The following GRID2 variants were observed in gnomAD, a reference collection of about 807,000 sequenced individuals.
The protein encoded by GRID2 is glutamate ionotropic receptor delta type subunit 2.
In GRID2, 33 loss-of-function variants were observed where a neutral mutation model predicts 114.8. The ratio of observed to expected loss-of-function variants is 0.29; its 90% CI spans 0.22 to 0.38. The LOEUF (loss-of-function observed/expected upper bound fraction) is 0.38, where lower values mean the gene tolerates loss of function less well. GRID2 is among the 10% of genes least tolerant of loss of function. The pLI is 1.00. For synonymous variants in GRID2, 505 were observed against 449.9 expected, an observed-to-expected ratio of 1.12 and a Z score of -1.55; for missense variants, 1,184 against 1,257.7, an observed-to-expected ratio of 0.94 and a Z score of 0.89.
intron 2 of GRID2, among the ~76,000 whole-genome samples, chr4:92,982,730 C>T (rs1345292197): frequency 6.6e-6 from 1 of 151,974 alleles, no homozygotes; most frequent in African/African-American, 2.4e-5. Context: ...TTTCATAGTT[C>T]TTTGGCTAAG....
intron 2 of GRID2, among the ~76,000 whole-genome samples, chr4:93,035,579 C>T (rs1724861742): frequency 6.6e-6 from 1 of 152,110 alleles, no homozygotes; most frequent in African/African-American, 2.4e-5. Context: ...CAGGGTCTCT[C>T]ACAAGGCCAT....
intron 1 of GRID2, among the ~76,000 whole-genome samples, chr4:92,564,601 A>G: frequency 6.6e-6 from 1 of 151,982 alleles, no homozygotes; most frequent in East Asian, 1.9e-4. Context: ...TGAGAACAAT[A>G]CAGTTTTGAA....
At chr4:92,448,618 G>A (rs1028567438) in intron 1 of GRID2, among the ~76,000 whole-genome samples, 20 of 151,906 alleles carry the variant, frequency 1.3e-4, no homozygotes, top group African/African-American at 3.9e-4. Context: ...TACATAAATG[G>A]AAGAGACATT....
chr4:93,769,161 G>A (rs781505981), intron 14 of GRID2, 49 bp from the exon 15 acceptor site: 27 of 1,598,830 alleles, frequency 1.7e-5, no homozygotes, highest in Non-Finnish European at 1.1e-5. Flanking sequence ...TGTGAACCAG[G>A]GCGATAACTA....
intron 1 of GRID2, among the ~76,000 whole-genome samples, chr4:92,402,957 T>A (rs1422171322): frequency 6.6e-6 from 1 of 152,222 alleles, no homozygotes; most frequent in African/African-American, 2.4e-5. Context: ...TAAATGATCT[T>A]AACCTGATCT....
chr4:93,052,418 T>A (rs1726807763), intron 2 of GRID2, among the ~76,000 whole-genome samples: 1 of 151,904 alleles, frequency 6.6e-6, no homozygotes, highest in South Asian at 2.1e-4. Flanking sequence ...TAAAGTCTAT[T>A]TACACAAACC....
intron 8 of GRID2, among the ~76,000 whole-genome samples, chr4:93,340,494 T>G (rs1759538941): frequency 6.6e-6 from 1 of 152,170 alleles, no homozygotes; most frequent in Admixed American, 6.6e-5. Flanking sequence ...TCTGAAGTGC[T>G]AATTAGAAGG....
chr4:92,782,136 A>G (rs1739108099), intron 2 of GRID2, among the ~76,000 whole-genome samples: 1 of 152,046 alleles, frequency 6.6e-6, no homozygotes, highest in Non-Finnish European at 1.5e-5. Flanking sequence ...AAAATGCATC[A>G]TATTTAGATA....
chr4:93,621,993 C>T (rs949314476), intron 13 of GRID2, among the ~76,000 whole-genome samples: 3 of 152,124 alleles, frequency 2.0e-5, no homozygotes, highest in Non-Finnish European at 4.4e-5. Flanking sequence ...AGCAATATGT[C>T]GCCTACTGGG....
intron 2 of GRID2, among the ~76,000 whole-genome samples, chr4:92,701,998 A>C (rs943546772): frequency 6.6e-6 from 1 of 152,176 alleles, no homozygotes; most frequent in African/African-American, 2.4e-5. Context: ...TCTAGAGTCC[A>C]TATTGACAAT....
chr4:93,007,415 T>C (rs1486715789), intron 2 of GRID2, among the ~76,000 whole-genome samples: 8 of 152,160 alleles, frequency 5.3e-5, no homozygotes, highest in African/African-American at 1.9e-4. Context: ...AATTAGGTTG[T>C]CGTGAGAAAT....
chr4:92,316,865 G>T (rs1726010578), intron 1 of GRID2, among the ~76,000 whole-genome samples: 1 of 152,122 alleles, frequency 6.6e-6, no homozygotes, highest in Non-Finnish European at 1.5e-5. Context: ...TCAGCTTTCT[G>T]ATGGTTCACC....
At chr4:93,473,690 G>T (rs1290791674) in intron 11 of GRID2, among the ~76,000 whole-genome samples, 1 of 152,088 alleles carries the variant, frequency 6.6e-6, no homozygotes, top group African/African-American at 2.4e-5. Context: ...GTTTATAAAG[G>T]TATAAAATAA....
At chr4:92,580,058 TA>T (rs1163697599) in intron 1 of GRID2, among the ~76,000 whole-genome samples, 1 of 148,300 alleles carries the variant, frequency 6.7e-6, no homozygotes, top group Non-Finnish European at 1.5e-5. Context: ...TATATACATA[TA>T]AATATATATA....
At chr4:93,590,445 T>G (rs976461112) in intron 13 of GRID2, among the ~76,000 whole-genome samples, 1 of 148,326 alleles carries the variant, frequency 6.7e-6, no homozygotes, top group Admixed American at 6.7e-5. Flanking sequence ...CCATGCTGTT[T>G]TGGTTACTGT....
intron 2 of GRID2, among the ~76,000 whole-genome samples, chr4:92,830,371 A>G (rs991529237): frequency 4.6e-5 from 7 of 151,850 alleles, no homozygotes; most frequent in African/African-American, 1.7e-4. Context: ...AAGTGAACTG[A>G]GCTAAGCCTA....
chr4:92,756,121 G>A (rs1226487003), intron 2 of GRID2, among the ~76,000 whole-genome samples: 1 of 152,000 alleles, frequency 6.6e-6, no homozygotes, highest in Admixed American at 6.6e-5. Flanking sequence ...CCAGGCTCTG[G>A]TAACTATTAT....
chr4:93,482,871 A>G (rs141014582), intron 11 of GRID2, among the ~76,000 whole-genome samples: 53 of 152,022 alleles, frequency 3.5e-4, no homozygotes, highest in Admixed American at 1.3e-3. Context: ...AAATGGGTTC[A>G]ATATAGTGAA....
At chr4:93,708,739 C>A (rs556396428) in intron 14 of GRID2, among the ~76,000 whole-genome samples, 2 of 151,492 alleles carry the variant, frequency 1.3e-5, no homozygotes, top group African/African-American at 4.8e-5. Context: ...TGTGGTCTTC[C>A]CTTCTTTCCT....
Sources: gnomAD v4.1 joint callset for allele counts (sites outside exome capture counted in the v4.1 genomes callset) on GRCh38, gnomAD v4.1.1 for gene constraint, MANE v1.5 for transcripts, NCBI Gene and HGNC (gene_info 2026-07-23, HGNC 2026-07-21) for gene names.